The following SEMA3E variants were observed in gnomAD, a reference collection of about 807,000 sequenced individuals.
SEMA3E encodes semaphorin-3E.
SEMA3E carries 49 observed loss-of-function variants against 93.6 expected under a neutral mutation model. The observed-to-expected ratio is 0.52, with a 90% confidence interval of 0.42 to 0.66. The LOEUF (loss-of-function observed/expected upper bound fraction) is 0.66. SEMA3E is among the 30% of genes least tolerant of loss of function. The probability of loss-of-function intolerance (pLI) is 0.00; values close to 1 mark genes in which losing one functional copy is unlikely to be tolerated. For missense variants in SEMA3E, 906 were observed against 964.8 expected (o/e 0.94, Z 0.81); for synonymous variants, 363 against 330.7 (o/e 1.10, Z -1.06).
At chr7:83,394,960 T>C (rs1002359235) in intron 12 of SEMA3E, among the ~76,000 whole-genome samples, 1 of 152,156 alleles carries the variant, frequency 6.6e-6, no homozygotes, top group Non-Finnish European at 1.5e-5. Flanking sequence ...CACAATAAAC[T>C]CAGATCAGCT....
intron 2 of SEMA3E, among the ~76,000 whole-genome samples, chr7:83,482,626 T>A (rs1451357962): frequency 4.0e-5 from 6 of 149,060 alleles, no homozygotes; most frequent in Non-Finnish European, 8.9e-5. Context: ...ACAGATTTAC[T>A]GGTGGAAGAT....
chr7:83,637,789 C>CTTTTTTT (rs202153375), intron 1 of SEMA3E, among the ~76,000 whole-genome samples: 1 of 128,978 alleles, frequency 7.8e-6, no homozygotes. Context: ...TCTGGCAGTT[C>CTTTTTTT]TTTTTTTTTT....
At chr7:83,591,742 C>T (rs2115947922) in intron 1 of SEMA3E, among the ~76,000 whole-genome samples, 1 of 152,086 alleles carries the variant, frequency 6.6e-6, no homozygotes, top group South Asian at 2.1e-4. Flanking sequence ...AATATCTTTG[C>T]ATTTCAAGGG....
intron 1 of SEMA3E, among the ~76,000 whole-genome samples, chr7:83,611,390 T>A (rs909572243): frequency 3.5e-5 from 5 of 141,820 alleles, no homozygotes; most frequent in East Asian, 2.0e-4. Flanking sequence ...AATTTATATA[T>A]TATATATATA....
At chr7:83,608,206 CA>C (rs924422914) in intron 1 of SEMA3E, among the ~76,000 whole-genome samples, 40 of 151,048 alleles carry the variant, frequency 2.6e-4, no homozygotes, top group African/African-American at 9.2e-4. Flanking sequence ...GGGCAAGACT[CA>C]GTCTCAAAAA....
intron 4 of SEMA3E, among the ~76,000 whole-genome samples, chr7:83,439,485 G>T (rs1437537668): frequency 6.6e-6 from 1 of 152,132 alleles, no homozygotes; most frequent in African/African-American, 2.4e-5. Flanking sequence ...AGGGCTTTTT[G>T]GTTGTTTCTC....
At chr7:83,440,630 G>A (rs1789093353) in intron 4 of SEMA3E, among the ~76,000 whole-genome samples, 1 of 152,038 alleles carries the variant, frequency 6.6e-6, no homozygotes, top group African/African-American at 2.4e-5. Flanking sequence ...TCTAGAAGGA[G>A]AACAAAGCTT....
At chr7:83,417,018 G>GCACACAC (rs1562772770) in intron 5 of SEMA3E, among the ~76,000 whole-genome samples, 11 of 122,102 alleles carry the variant, frequency 9.0e-5, no homozygotes, top group South Asian at 2.5e-4. Context: ...CACACACAGG[G>GCACACAC]AGAGAGAGAG....
At chr7:83,504,715 G>T (rs770584333) in intron 1 of SEMA3E, among the ~76,000 whole-genome samples, 2 of 151,986 alleles carry the variant, frequency 1.3e-5, no homozygotes, top group Non-Finnish European at 2.9e-5. Context: ...AGAAATCCCT[G>T]TTGTTTATAA....
chr7:83,530,674 C>T (rs979813284), intron 1 of SEMA3E, among the ~76,000 whole-genome samples: 4 of 152,004 alleles, frequency 2.6e-5, no homozygotes, highest in Non-Finnish European at 2.9e-5. Flanking sequence ...GTCAGGAGTT[C>T]GAGACCAGCC....
At chr7:83,547,588 T>C (rs1434951204) in intron 1 of SEMA3E, among the ~76,000 whole-genome samples, 2 of 152,120 alleles carry the variant, frequency 1.3e-5, no homozygotes, top group Non-Finnish European at 2.9e-5. Context: ...AGACATACTT[T>C]GGTATAACTG....
chr7:83,498,888 T>C (rs1790543327), intron 1 of SEMA3E, among the ~76,000 whole-genome samples: 1 of 152,192 alleles, frequency 6.6e-6, no homozygotes, highest in South Asian at 2.1e-4. Flanking sequence ...AGTTCTTACT[T>C]CTTTGCCCTC....
At chr7:83,437,195 T>C (rs1789022003) in intron 4 of SEMA3E, among the ~76,000 whole-genome samples, 1 of 152,122 alleles carries the variant, frequency 6.6e-6, no homozygotes, top group African/African-American at 2.4e-5. Context: ...TGATAGATTC[T>C]TCCATAAATG....
chr7:83,611,533 C>A (rs1282804959), intron 1 of SEMA3E, among the ~76,000 whole-genome samples: 1 of 150,918 alleles, frequency 6.6e-6, no homozygotes, highest in African/African-American at 2.4e-5. Flanking sequence ...TGCTCCTTTC[C>A]AGCAGCCTTC....
At chr7:83,412,435 A>T (rs1677283600) in intron 5 of SEMA3E, among the ~76,000 whole-genome samples, 1 of 152,126 alleles carries the variant, frequency 6.6e-6, no homozygotes, top group Non-Finnish European at 1.5e-5. Context: ...AAAAAAGGTT[A>T]TGAAAGGCTG....
chr7:83,420,394 G>A (rs757980677), intron 4 of SEMA3E, among the ~76,000 whole-genome samples: 8 of 152,102 alleles, frequency 5.3e-5, no homozygotes, highest in Non-Finnish European at 1.2e-4. Context: ...GCAATCTACA[G>A]ATTCATTGCT....
chr7:83,542,315 G>T (rs1309268685), intron 1 of SEMA3E, among the ~76,000 whole-genome samples: 1 of 152,048 alleles, frequency 6.6e-6, no homozygotes, highest in Non-Finnish European at 1.5e-5. Context: ...AGCTATGATT[G>T]TGCCACAGCA....
intron 15 of SEMA3E, among the ~76,000 whole-genome samples, chr7:83,385,733 G>C (rs1787865828): frequency 6.6e-6 from 1 of 152,082 alleles, no homozygotes; most frequent in Non-Finnish European, 1.5e-5. Flanking sequence ...AAAGTCTATT[G>C]CAACCTCTAT....
chr7:83,625,650 A>G (rs189973334), intron 1 of SEMA3E, among the ~76,000 whole-genome samples: 1 of 152,230 alleles, frequency 6.6e-6, no homozygotes, highest in Admixed American at 6.6e-5. Flanking sequence ...GTCATCTGCA[A>G]GCAGAGACAA....
Sources: gnomAD v4.1 joint callset for allele counts (sites outside exome capture counted in the v4.1 genomes callset) on GRCh38, gnomAD v4.1.1 for gene constraint, MANE v1.5 for transcripts, NCBI Gene and HGNC (gene_info 2026-07-23, HGNC 2026-07-21) for gene names.